The following SLC30A6 variants were observed in gnomAD, a reference collection of about 807,000 sequenced individuals.
SLC30A6 encodes zinc transporter 6.
SLC30A6 carries 55 observed loss-of-function variants against 63.0 expected under a neutral mutation model. The ratio of observed to expected loss-of-function variants is 0.87; its 90% confidence interval spans 0.70 to 1.09. The LOEUF (loss-of-function observed/expected upper bound fraction) is 1.09. Among genes scored for constraint, SLC30A6 ranks in the 50% least tolerant of loss-of-function variants. The pLI is 0.00. For missense variants in SLC30A6, 587 were observed against 549.2 expected, an observed-to-expected ratio of 1.07 and a Z score of -0.69; for synonymous variants, 224 against 186.1, an observed-to-expected ratio of 1.20 and a Z score of -1.66.
At chr2:32,184,402 G>A (rs146246306) in intron 5 of SLC30A6, 64 bp downstream of exon 5, 9,907 of 879,986 alleles carry the variant, frequency 0.011, 122 homozygotes, top group South Asian at 0.043. Flanking sequence ...TATAGTAGAC[G>A]ATAAAGAGCT....
At position 32,193,804 on chromosome 2, in the gene SLC30A6, C is replaced by A. The variant is rs546136385; in HGVS notation, c.402-85C>A. 2.9e-6 allele frequency: 3 copies of A among 1,043,802 alleles called. No individual in the cohort carries two copies. The African/African-American group carries it at 4.8e-5, about 17-fold the overall frequency. 64.7% of individuals were successfully genotyped at this position (1,043,802 alleles called of 1,614,324 possible). A position where few individuals can be genotyped will look rare whatever the true frequency, so the allele number is the denominator to read the frequency against. On this transcript the variant is annotated intron_variant, in intron 7 of 13. Coordinates refer to ENST00000282587, the MANE Select transcript of SLC30A6 (RefSeq NM_017964.5). ...TAAAGCAGACCACTTTACCTTCCCA[C>A]CTCTTAGTCCCTCTACGTATTGAAA...
chr2:32,175,268 T>A, intron 3 of SLC30A6, 51 bp from the exon 4 acceptor site: 2 of 1,570,786 alleles, frequency 1.3e-6, no homozygotes, highest in Non-Finnish European at 1.7e-6. Context: ...CTTGCTGTAT[T>A]TTTTTAGAGG....
chr2:32,175,214 G>GT, intron 3 of SLC30A6, 105 bp from the exon 4 acceptor site: 6 of 1,088,714 alleles, frequency 5.5e-6, no homozygotes, highest in Admixed American at 2.5e-5. Context: ...TGACTCAAAA[G>GT]TTTTTTTGAT....
chr2:32,220,541 A>AAACAAGGC lies in SLC30A6; in HGVS notation c.1215_1222dup (p.Pro408GlnfsTer35). ...AACCCAGTTATTCTTCTAAACACAC[A>AAACAAGGC]AACAAGGCCTTATGGTTTTGGTCTC... On this transcript the variant is annotated frameshift_variant, in exon 14 of 14. Coordinates refer to ENST00000282587, the MANE Select transcript of SLC30A6 (RefSeq NM_017964.5). LOFTEE classifies it high-confidence loss of function. 1.2e-6 allele frequency: 2 copies of AAACAAGGC among 1,614,230 alleles called. No homozygotes were observed. Among genetic ancestry groups the AAACAAGGC allele is most frequent in the Non-Finnish European group, 1.7e-6 (2 of 1,180,042 alleles).
At chr2:32,200,919 C>A (rs1573367771) in intron 10 of SLC30A6, among the ~76,000 whole-genome samples, 1 of 152,302 alleles carries the variant, frequency 6.6e-6, no homozygotes, top group African/African-American at 2.4e-5. Flanking sequence ...CCTGAGTAAT[C>A]AGGCCCCTAC....
chr2:32,196,421 G>C (rs1683795760), intron 8 of SLC30A6, among the ~76,000 whole-genome samples: 1 of 152,042 alleles, frequency 6.6e-6, no homozygotes, highest in Non-Finnish European at 1.5e-5. Context: ...ACTTTACATA[G>C]AATAACCTAT....
Position 32,212,894 on chromosome 2 carries a change from ATTT to A in SLC30A6, c.885+3358_885+3360del, listed in dbSNP as rs10522618. 2.8e-4 allele frequency among the ~76,000 whole-genome samples: 33 copies of A among 118,236 alleles called. 1 individual carries two copies. Among genetic ancestry groups the A allele is most frequent in the African/African-American group, 6.8e-4 (21 of 30,994 alleles). 77.6% of individuals were successfully genotyped at this position (118,236 alleles called of 152,430 possible). A position where few individuals can be genotyped will look rare whatever the true frequency, so the allele number is the denominator to read the frequency against. ...ACAGGAGTGAGCCACTGTGTCCAGCATTTTTTTTTTTTTTTTTTTTTTTTTTTA... is the reference window on the plus strand; with the variant it reads ...ACAGGAGTGAGCCACTGTGTCCAGCATTTTTTTTTTTTTTTTTTTTTTTTA... On this transcript the variant is annotated intron_variant, in intron 13 of 13. Coordinates refer to ENST00000282587, the MANE Select transcript of SLC30A6 (RefSeq NM_017964.5).
intron 5 of SLC30A6, among the ~76,000 whole-genome samples, chr2:32,186,939 G>A (rs975915119): frequency 6.1e-5 from 9 of 147,938 alleles, no homozygotes; most frequent in Non-Finnish European, 1.0e-4. Flanking sequence ...AGAGGTTTCA[G>A]TGAGTGAGAT....
Position 32,217,912 on chromosome 2 carries a change from T to C in SLC30A6, c.886-2301T>C, listed in dbSNP as rs189431525. On this transcript the variant is annotated intron_variant, in intron 13 of 13. Coordinates refer to ENST00000282587, the MANE Select transcript of SLC30A6 (RefSeq NM_017964.5). ...GGCTGGCGTGCAGTGGTGCAGCCAC[T>C]GCAGCCTCGACCTCTAAGGTTCAAT... Among the ~76,000 whole-genome samples the C allele has an allele frequency of 1.7e-4, 26 of 152,026 alleles. No individual in the cohort carries two copies. The East Asian group carries it at 4.6e-3, about 27-fold the overall frequency.
intron 11 of SLC30A6, among the ~76,000 whole-genome samples, chr2:32,206,172 C>T (rs896280230): frequency 9.9e-5 from 15 of 151,484 alleles, no homozygotes; most frequent in Admixed American, 9.9e-4. Flanking sequence ...TCCGGCCGGG[C>T]GCGGTGGCTC....
chr2:32,214,570 T>C (rs1042232743), intron 13 of SLC30A6: 4 of 152,214 alleles, frequency 2.6e-5, no homozygotes, highest in Admixed American at 2.0e-4. Flanking sequence ...CACTTAACCA[T>C]TCTTTTAATT....
chr2:32,210,675 A>G (rs1466232050), intron 13 of SLC30A6, among the ~76,000 whole-genome samples: 1 of 152,062 alleles, frequency 6.6e-6, no homozygotes. Context: ...TTTTTCTAAT[A>G]TAACACAAAT....
chr2:32,212,329 G>A (rs957206394), intron 13 of SLC30A6, among the ~76,000 whole-genome samples: 2 of 151,936 alleles, frequency 1.3e-5, no homozygotes, highest in African/African-American at 4.8e-5. Flanking sequence ...TATCTGACAT[G>A]TAGTTTTATC....
At chr2:32,167,228 AC>A (rs1294367090) in intron 1 of SLC30A6, among the ~76,000 whole-genome samples, 1 of 152,012 alleles carries the variant, frequency 6.6e-6, no homozygotes, top group Non-Finnish European at 1.5e-5. Context: ...GGAATGCGCC[AC>A]CACGCCTGGC....
intron 1 of SLC30A6, among the ~76,000 whole-genome samples, chr2:32,168,460 A>C (rs1470656147): frequency 1.3e-5 from 2 of 150,126 alleles, no homozygotes; most frequent in Non-Finnish European, 3.0e-5. Flanking sequence ...AAGTATATAA[A>C]AACAAAATAT....
chr2:32,202,035 G>A (rs1453844614), intron 10 of SLC30A6: 13 of 1,005,514 alleles, frequency 1.3e-5, no homozygotes, highest in African/African-American at 3.4e-5. Context: ...AAAAAAAAAA[G>A]CAAGTATCAT....
Position 32,167,382 on chromosome 2 carries a change from C to CTTTTT in SLC30A6, c.3+1494_3+1498dup, listed in dbSNP as rs11293465. 3.8e-5 allele frequency among the ~76,000 whole-genome samples: 5 copies of CTTTTT among 132,538 alleles called. 2 individuals are homozygous for CTTTTT. The highest frequency in any genetic ancestry group is 3.2e-5 in the Non-Finnish European group (2 of 62,598). The allele number at this position is 132,538 out of a possible 152,430, so 87.0% of individuals were successfully genotyped here. A position where few individuals can be genotyped will look rare whatever the true frequency, so the allele number is the denominator to read the frequency against. Reference sequence around the variant, plus strand: ...GAGCCACCGTGCCAGGCCACAAACTCTTTTTTTTTTTTTTTTTTTAATGCA... The same window carrying CTTTTT: ...GAGCCACCGTGCCAGGCCACAAACTCTTTTTTTTTTTTTTTTTTTTTTTTAATGCA... On this transcript the variant is annotated intron_variant, in intron 1 of 13. Coordinates refer to ENST00000282587, the MANE Select transcript of SLC30A6 (RefSeq NM_017964.5).
Position 32,203,770 on chromosome 2 carries a change from C to T in SLC30A6, c.666-820C>T, listed in dbSNP as rs1002475717. On this transcript the variant is annotated intron_variant, in intron 10 of 13. Transcript: ENST00000282587. ...TGATTCCGACTGGATATTCTCAGTGCCAGCCAAATTACCTGAAATTGAAGA... is the reference window on the plus strand; with the variant it reads ...TGATTCCGACTGGATATTCTCAGTGTCAGCCAAATTACCTGAAATTGAAGA... 2.7e-6 allele frequency: 4 copies of T among 1,498,032 alleles called. No individual in the cohort carries two copies. In the African/African-American group the frequency reaches 5.5e-5, roughly 21 times the overall value. The allele number at this position is 1,498,032 out of a possible 1,614,324, so 92.8% of individuals were successfully genotyped here.
intron 10 of SLC30A6, chr2:32,203,313 A>G (rs2148879776): frequency 2.2e-6 from 2 of 923,650 alleles, no homozygotes; most frequent in Middle Eastern, 3.2e-4. Context: ...TATGTGGAAC[A>G]AAAAGTAGGA....
Sources: gnomAD v4.1 joint callset for allele counts (sites outside exome capture counted in the v4.1 genomes callset) on GRCh38, gnomAD v4.1.1 for gene constraint, MANE v1.5 for transcripts, NCBI Gene and HGNC (gene_info 2026-07-23, HGNC 2026-07-21) for gene names.